The following RBBP8 variants were observed in gnomAD, a reference collection of about 807,000 sequenced individuals.
RBBP8 encodes the protein RB binding protein 8, endonuclease, also known as DNA endonuclease RBBP8.
RBBP8 carries 88 observed loss-of-function variants against 108.3 expected under a neutral mutation model. The ratio of observed to expected loss-of-function variants is 0.81; its 90% CI spans 0.68 to 0.97. The LOEUF (loss-of-function observed/expected upper bound fraction) is 0.97, where lower values mean the gene tolerates loss of function less well. Among genes scored for constraint, RBBP8 ranks in the 50% least tolerant of loss-of-function variants. RBBP8 has a pLI of 0.00. For synonymous variants in RBBP8, 332 were observed against 348.2 expected, an observed-to-expected ratio of 0.95 and a Z score of 0.52; for missense variants, 1,023 against 1,049.0, an observed-to-expected ratio of 0.98 and a Z score of 0.34.
At chr18:22,978,275 A>G (rs1468716624) in intron 6 of RBBP8, among the ~76,000 whole-genome samples, 2 of 152,222 alleles carry the variant, frequency 1.3e-5, no homozygotes, top group East Asian at 3.8e-4. Context: ...AGGTCCATAA[A>G]TCAAACAGCT....
chr18:23,022,651 T>TAAAATAAAATAAAATAA (rs370599195), intron 18 of RBBP8, among the ~76,000 whole-genome samples: 10 of 84,358 alleles, frequency 1.2e-4, no homozygotes, highest in South Asian at 3.7e-4. Flanking sequence ...TAAAATACAA[T>TAAAATAAAATAAAATAA]ATAAAATAAA....
At chr18:22,996,275 T>C in intron 12 of RBBP8, 99 bp from the exon 13 acceptor site, 1 of 1,535,796 alleles carries the variant, frequency 6.5e-7, no homozygotes, top group Non-Finnish European at 8.7e-7. Flanking sequence ...GACATATGAT[T>C]TGCAAAAATT....
At chr18:22,925,893 A>C (rs1909774186) in intron 3 of RBBP8, among the ~76,000 whole-genome samples, 1 of 152,230 alleles carries the variant, frequency 6.6e-6, no homozygotes, top group Non-Finnish European at 1.5e-5. Context: ...CTGAAAATAA[A>C]ATAAACTTTT....
chr18:22,983,896 A>C (rs969614236), intron 7 of RBBP8, among the ~76,000 whole-genome samples: 1 of 152,198 alleles, frequency 6.6e-6, no homozygotes, highest in East Asian at 1.9e-4. Context: ...CCTGGCTAAC[A>C]TGGTGAAACC....
chr18:22,931,417 T>C (rs558412049), upstream of RBBP8, among the ~76,000 whole-genome samples: 1 of 152,314 alleles, frequency 6.6e-6, no homozygotes, highest in East Asian at 1.9e-4. Context: ...AGCAGCATAG[T>C]GACATTAACA....
chr18:23,002,361 G>A (rs1355960609), intron 15 of RBBP8, among the ~76,000 whole-genome samples: 1 of 152,094 alleles, frequency 6.6e-6, no homozygotes, highest in Non-Finnish European at 1.5e-5. Context: ...TCAGTGAACC[G>A]CTGACTGTAC....
intron 16 of RBBP8, among the ~76,000 whole-genome samples, chr18:23,009,627 A>G (rs557338259): frequency 6.6e-6 from 1 of 151,878 alleles, no homozygotes; most frequent in Non-Finnish European, 1.5e-5. Flanking sequence ...CTTGGCCTCT[A>G]TATCTTATAG....
At position 22,937,996 on chromosome 18, in the gene RBBP8, T is replaced by C. The variant is rs571695787; in HGVS notation, c.109+1036T>C. 7.9e-5 allele frequency among the ~76,000 whole-genome samples: 12 copies of C among 151,822 alleles called. No homozygotes were observed. In the East Asian group the frequency reaches 2.1e-3, roughly 27 times the overall value. On this transcript the variant is annotated intron_variant, in intron 2 of 18. Coordinates refer to ENST00000327155, the MANE Select transcript of RBBP8 (RefSeq NM_002894.3). ...GTGCACCACCACGCCCAGCTAATTT[T>C]ATGTATTTTTTGTAGAGACAGAGTT... is the stretch of plus-strand genomic sequence containing the variant.
intron 17 of RBBP8, among the ~76,000 whole-genome samples, chr18:23,019,802 C>T (rs1189225245): frequency 7.0e-6 from 1 of 142,064 alleles, no homozygotes; most frequent in Non-Finnish European, 1.5e-5. Context: ...CACTCTGTTG[C>T]CCAGGCTGAA....
chr18:23,020,491 C>T (rs1465719442), intron 17 of RBBP8, among the ~76,000 whole-genome samples: 3 of 152,066 alleles, frequency 2.0e-5, no homozygotes, highest in Non-Finnish European at 2.9e-5. Flanking sequence ...CAAAGTTGTA[C>T]AGAAAGTACA....
At chr18:22,984,306 C>T (rs1352778003) in intron 7 of RBBP8, among the ~76,000 whole-genome samples, 4 of 151,932 alleles carry the variant, frequency 2.6e-5, no homozygotes, top group African/African-American at 9.7e-5. Context: ...TCAGAGTTTC[C>T]TTCCCGAAAA....
At chr18:22,977,623 C>T (rs975832655) in intron 6 of RBBP8, among the ~76,000 whole-genome samples, 10 of 152,102 alleles carry the variant, frequency 6.6e-5, no homozygotes, top group Non-Finnish European at 1.3e-4. Context: ...AATTGAATTC[C>T]TTATACAGCT....
chr18:23,001,490 A>G lies in RBBP8; in HGVS notation c.2144-96A>G, dbSNP rs934882443. Reference sequence around the variant, plus strand: ...TTTAAGAAGTGTCTTTAAGGACTGCATTCTGTTATTGTGTGGTAGTTACTA... The same window carrying G: ...TTTAAGAAGTGTCTTTAAGGACTGCGTTCTGTTATTGTGTGGTAGTTACTA... On this transcript the variant is annotated intron_variant, in intron 14 of 18. Coordinates refer to ENST00000327155, the MANE Select transcript of RBBP8 (RefSeq NM_002894.3). The G allele has an allele frequency of 3.6e-6, 5 of 1,376,334 alleles. No individual in the cohort carries two copies. In the African/African-American group the frequency reaches 4.3e-5, roughly 12 times the overall value. 85.3% of individuals were successfully genotyped at this position (1,376,334 alleles called of 1,614,324 possible).
chr18:22,979,059 G>A (rs1287107162), intron 6 of RBBP8, among the ~76,000 whole-genome samples: 1 of 152,184 alleles, frequency 6.6e-6, no homozygotes, highest in Non-Finnish European at 1.5e-5. Context: ...CTTGAGGTGA[G>A]GAGTTTGAGA....
intron 4 of RBBP8, among the ~76,000 whole-genome samples, chr18:22,963,203 A>C (rs1736727401): frequency 6.6e-6 from 1 of 151,956 alleles, no homozygotes; most frequent in Non-Finnish European, 1.5e-5. Flanking sequence ...GCTATCTATA[A>C]ATTTTTCTTG....
At chr18:22,941,678 T>TAAAGTGTA in intron 2 of RBBP8, among the ~76,000 whole-genome samples, 1 of 152,042 alleles carries the variant, frequency 6.6e-6, no homozygotes, top group Non-Finnish European at 1.5e-5. Flanking sequence ...AGTAGATAAT[T>TAAAGTGTA]CCTTTAAAGT....
intron 16 of RBBP8, among the ~76,000 whole-genome samples, chr18:23,013,878 G>A (rs2046212357): frequency 6.6e-6 from 1 of 152,226 alleles, no homozygotes; most frequent in South Asian, 2.1e-4. Context: ...GATAAAGTCA[G>A]CTAGGTCAGA....
chr18:23,007,246 C>A (rs2046069728), intron 16 of RBBP8, among the ~76,000 whole-genome samples: 1 of 151,750 alleles, frequency 6.6e-6, no homozygotes, highest in East Asian at 2.0e-4. Flanking sequence ...GTCTCGAACT[C>A]CTGACCTCAG....
chr18:22,942,145 G>A (rs2144432065), intron 2 of RBBP8, among the ~76,000 whole-genome samples: 1 of 152,142 alleles, frequency 6.6e-6, no homozygotes, highest in South Asian at 2.1e-4. Flanking sequence ...GACTTGTCTG[G>A]ACTTTGCAGG....
Sources: allele counts gnomAD v4.1 joint callset (sites outside exome capture counted in the v4.1 genomes callset), GRCh38; gene constraint gnomAD v4.1.1; transcripts MANE v1.5; gene names NCBI Gene and HGNC (gene_info 2026-07-23, HGNC 2026-07-21).